Variants in SSBP3 observed in about 807,000 individuals in gnomAD.
The protein encoded by SSBP3 is single-stranded DNA-binding protein 3.
A neutral mutation model predicts 69.6 loss-of-function variants in SSBP3; 5 were observed. The ratio of observed to expected loss-of-function variants is 0.07; its 90% CI spans 0.04 to 0.15. The LOEUF is 0.15. Ranked by LOEUF, SSBP3 falls within the 10% of genes least tolerant of loss-of-function variation. The probability of loss-of-function intolerance (pLI) is 1.00; values close to 1 mark genes in which losing one functional copy is unlikely to be tolerated. For missense variants in SSBP3, 312 were observed against 534.0 expected, an observed-to-expected ratio of 0.58 and a Z score of 4.10; for synonymous variants, 196 against 193.4, an observed-to-expected ratio of 1.01 and a Z score of -0.11.
intron 4 of SSBP3, among the ~76,000 whole-genome samples, chr1:54,390,740 C>T (rs866865965): frequency 1.8e-4 from 28 of 152,220 alleles, no homozygotes; most frequent in South Asian, 2.1e-4. Context: ...GGCTCACCAG[C>T]GCGGAGATCG....
intron 14 of SSBP3, among the ~76,000 whole-genome samples, chr1:54,231,798 G>A (rs551093343): frequency 3.9e-5 from 6 of 152,258 alleles, no homozygotes; most frequent in African/African-American, 9.6e-5. Context: ...GGGTTCAAGC[G>A]ATTCTCATGC....
chr1:54,371,747 C>G (rs766329815), intron 4 of SSBP3, among the ~76,000 whole-genome samples: 10 of 152,314 alleles, frequency 6.6e-5, no homozygotes, highest in Non-Finnish European at 1.5e-4. Flanking sequence ...ACCGTGCCCA[C>G]GTTTTATCTA....
At chr1:54,238,935 CCTCT>C in intron 14 of SSBP3, 190 bp downstream of exon 14, 1 of 376,658 alleles carries the variant, frequency 2.7e-6, no homozygotes, top group Non-Finnish European at 5.4e-6. Context: ...CCCACCCCTT[CCTCT>C]CCCACCCCCT....
rs1302849408 is a variant in SSBP3 at position 54,240,996 on chromosome 1, G to A, written c.802-37C>T. The A allele has an allele frequency of 2.5e-6, 4 of 1,585,546 alleles. No individual in the cohort carries two copies. The South Asian group carries it at 4.6e-5, about 18-fold the overall frequency. On this transcript the variant is annotated intron_variant, in intron 12 of 17. Coordinates refer to ENST00000610401, the Ensembl canonical transcript of SSBP3. ...ACAAAACTGACATCAGACACCCACG[G>A]TGGTAACGAACATGGGGAGGGGCCG...
At chr1:54,241,299 C>T (rs1248404660) in intron 12 of SSBP3, among the ~76,000 whole-genome samples, 175 bp downstream of exon 12, 2 of 152,182 alleles carry the variant, frequency 1.3e-5, no homozygotes, top group African/African-American at 4.8e-5. Context: ...TTGGGGATTT[C>T]TGGGCCACCT....
intron 4 of SSBP3, among the ~76,000 whole-genome samples, chr1:54,324,148 G>A (rs1646260972): frequency 6.6e-6 from 1 of 152,214 alleles, no homozygotes; most frequent in Non-Finnish European, 1.5e-5. Flanking sequence ...ACCCAGGTTT[G>A]TCAGGCTCCA....
chr1:54,325,563 G>A (rs1166683743), intron 4 of SSBP3: 2 of 165,218 alleles, frequency 1.2e-5, no homozygotes, highest in Admixed American at 1.3e-4. Flanking sequence ...CCCTTATTTT[G>A]TAACTCCTGC....
intron 4 of SSBP3, among the ~76,000 whole-genome samples, chr1:54,301,756 G>GGCC (rs763046715): frequency 9.3e-5 from 14 of 150,016 alleles, no homozygotes; most frequent in Non-Finnish European, 1.9e-4. Flanking sequence ...CCACCTGTCC[G>GGCC]GCCGCCACCA....
At chr1:54,249,254 T>C (rs937695793) in intron 9 of SSBP3, among the ~76,000 whole-genome samples, 6 of 152,140 alleles carry the variant, frequency 3.9e-5, no homozygotes, top group Non-Finnish European at 7.4e-5. Flanking sequence ...TGTTAATGAC[T>C]TTGCCAGAAA....
Position 54,343,182 on chromosome 1 carries a change from T to C in SSBP3, c.276+58679A>G, listed in dbSNP as rs4361936. ...TGCCCTAACCCTCTGCCGCTTTTCA[T>C]ATTGCTACTACCATTTATGTATTGA... On this transcript the variant is annotated intron_variant, in intron 4 of 17. Transcript: ENST00000610401. Among the ~76,000 whole-genome samples, 1,086 of 152,294 alleles carry C rather than the reference T, an allele frequency of 7.1e-3. 17 individuals are homozygous for C. The highest frequency in any genetic ancestry group is 0.024 in the African/African-American group (996 of 41,552).
At position 54,302,289 on chromosome 1, in the gene SSBP3, A is replaced by G. The variant is rs1449476497; in HGVS notation, c.277-20762T>C. Among the ~76,000 whole-genome samples, 3 of 151,878 alleles carry G rather than the reference A, an allele frequency of 2.0e-5. No individual in the cohort carries two copies. The East Asian group carries it at 5.8e-4, about 29-fold the overall frequency. ...GCAAAATGTATTCTAATACCTGCTC[A>G]ATGAATGTAGCTCACGACTCTGAGC... On this transcript the variant is annotated intron_variant, in intron 4 of 17. Coordinates refer to ENST00000610401, the Ensembl canonical transcript of SSBP3.
upstream of SSBP3, among the ~76,000 whole-genome samples, chr1:54,407,300 C>T (rs551852836): frequency 5.3e-5 from 8 of 152,336 alleles, no homozygotes; most frequent in South Asian, 1.2e-3. Context: ...GGGGCGTCAC[C>T]TGGGCGGCCC....
At chr1:54,240,809 AGCTCTG>A (rs1644621792) in intron 13 of SSBP3, 90 bp downstream of exon 13, 9 of 1,514,880 alleles carry the variant, frequency 5.9e-6, no homozygotes, top group Non-Finnish European at 8.2e-6. Context: ...GTGGCTGGTA[AGCTCTG>A]GCTCTGCAAC....
rs528113771 is a variant in SSBP3 at position 54,345,550 on chromosome 1, C to T, written c.276+56311G>A. Among the ~76,000 whole-genome samples the T allele has an allele frequency of 1.3e-4, 20 of 152,262 alleles. No individual in the cohort carries two copies. In the East Asian group the frequency reaches 1.7e-3, roughly 13 times the overall value. On this transcript the variant is annotated intron_variant, in intron 4 of 17. Coordinates refer to ENST00000610401, the Ensembl canonical transcript of SSBP3. ...AATAGGGCAGAAAAGAAAAGCCTTCCGCATTTCAAAGGCCCTCTCTGAAGT... is the reference window on the plus strand; with the variant it reads ...AATAGGGCAGAAAAGAAAAGCCTTCTGCATTTCAAAGGCCCTCTCTGAAGT...
chr1:54,239,263 A>C, intron 13 of SSBP3, 64 bp from the exon 14 acceptor site: 57 of 1,295,190 alleles, frequency 4.4e-5, no homozygotes, highest in Non-Finnish European at 5.3e-5. Flanking sequence ...AAACAAACTC[A>C]TGGCACTGGA....
chr1:54,302,193 G>A (rs981827631), intron 4 of SSBP3, among the ~76,000 whole-genome samples: 2 of 152,222 alleles, frequency 1.3e-5, no homozygotes, highest in African/African-American at 4.8e-5. Flanking sequence ...GACAGGAACA[G>A]GACAACCTCT....
intron 4 of SSBP3, chr1:54,286,942 G>GT (rs1645501582): frequency 6.6e-6 from 1 of 152,258 alleles, no homozygotes; most frequent in African/African-American, 2.4e-5. Flanking sequence ...GACTTGACGA[G>GT]TCCCCACATT....
chr1:54,323,988 C>T (rs973143840), intron 4 of SSBP3, among the ~76,000 whole-genome samples: 1 of 152,216 alleles, frequency 6.6e-6, no homozygotes, highest in African/African-American at 2.4e-5. Flanking sequence ...TTATCCTAAG[C>T]ATTTTACAAG....
chr1:54,409,816 C>A (rs963858240), upstream of SSBP3, among the ~76,000 whole-genome samples: 1 of 152,122 alleles, frequency 6.6e-6, no homozygotes, highest in Non-Finnish European at 1.5e-5. Context: ...ATATACCATA[C>A]GCTGTTCTAG....
Sources: gnomAD v4.1 joint callset for allele counts (sites outside exome capture counted in the v4.1 genomes callset) on GRCh38, gnomAD v4.1.1 for gene constraint, MANE v1.5 for transcripts, NCBI Gene and HGNC (gene_info 2026-07-23, HGNC 2026-07-21) for gene names.